The following PODXL variants were observed in gnomAD, a reference collection of about 807,000 sequenced individuals.
PODXL encodes podocalyxin like.
PODXL carries 20 observed loss-of-function variants against 48.9 expected under a neutral mutation model. The observed-to-expected ratio is 0.41, with a 90% CI of 0.29 to 0.59. The LOEUF (loss-of-function observed/expected upper bound fraction) is 0.59. Ranked by LOEUF, PODXL falls within the 20% of genes least tolerant of loss-of-function variation. The pLI is 0.31. For missense variants in PODXL, 606 were observed against 675.1 expected (o/e 0.90, Z 1.13); for synonymous variants, 295 against 287.4 (o/e 1.03, Z -0.27).
At chr7:131,538,233 G>A (rs1798416447) in intron 1 of PODXL, among the ~76,000 whole-genome samples, 1 of 152,140 alleles carries the variant, frequency 6.6e-6, no homozygotes, top group African/African-American at 2.4e-5. Flanking sequence ...TTCTGTATGG[G>A]CTGCCCCACT....
intron 1 of PODXL, among the ~76,000 whole-genome samples, chr7:131,554,502 T>C (rs1798715015): frequency 6.6e-6 from 1 of 152,254 alleles, no homozygotes; most frequent in Admixed American, 6.5e-5. Flanking sequence ...TGCCAAACCC[T>C]GTGTTAGGCC....
Position 131,556,259 on chromosome 7 carries a change from C to T in PODXL, c.100+1G>A. ...CGGCGGAACCCAGGCCGGCCACTCA[C>T]CATTCTGGGAGGGCGACGGCGACGG... On this transcript the variant is annotated splice_donor_variant, in intron 1 of 8. Coordinates refer to ENST00000378555, the MANE Select transcript of PODXL (RefSeq NM_001018111.3). LOFTEE classifies it high-confidence loss of function. 6.8e-7 allele frequency: 1 copy of T among 1,475,702 alleles called. No individual in the cohort carries two copies. The allele number at this position is 1,475,702 out of a possible 1,614,324, so 91.4% of individuals were successfully genotyped here.
At chr7:131,522,092 A>G (rs1266295394) in intron 1 of PODXL, among the ~76,000 whole-genome samples, 2 of 152,216 alleles carry the variant, frequency 1.3e-5, no homozygotes, top group African/African-American at 4.8e-5. Flanking sequence ...AGTGAGACTT[A>G]AACAGAACAT....
intron 1 of PODXL, among the ~76,000 whole-genome samples, chr7:131,523,956 G>A (rs558435947): frequency 1.3e-5 from 2 of 151,616 alleles, no homozygotes; most frequent in East Asian, 2.0e-4. Context: ...ACGCCACCAC[G>A]CCCAGTTAAT....
chr7:131,506,090 C>G, intron 7 of PODXL, 55 bp from the exon 8 acceptor site: 1 of 1,579,008 alleles, frequency 6.3e-7, no homozygotes, highest in Non-Finnish European at 8.6e-7. Context: ...CCTCAGCCCC[C>G]GGCTTCACTG....
At chr7:131,544,224 C>CCCACA (rs1320919783) in intron 1 of PODXL, among the ~76,000 whole-genome samples, 3 of 152,184 alleles carry the variant, frequency 2.0e-5, no homozygotes, top group African/African-American at 7.2e-5. Flanking sequence ...ATGTGGCGCA[C>CCCACA]CCACACAAAT....
At chr7:131,547,910 C>G (rs1472404770) in intron 1 of PODXL, among the ~76,000 whole-genome samples, 1 of 152,184 alleles carries the variant, frequency 6.6e-6, no homozygotes, top group Admixed American at 6.5e-5. Context: ...CCTGCACTCA[C>G]CTGCTCTGAG....
intron 1 of PODXL, among the ~76,000 whole-genome samples, chr7:131,547,959 T>C (rs1798609232): frequency 6.6e-6 from 1 of 152,214 alleles, no homozygotes; most frequent in Non-Finnish European, 1.5e-5. Flanking sequence ...ACTTCTTCCC[T>C]ATCCACAGGC....
At chr7:131,555,865 C>T (rs1308718015) in intron 1 of PODXL, among the ~76,000 whole-genome samples, 1 of 152,266 alleles carries the variant, frequency 6.6e-6, no homozygotes, top group Non-Finnish European at 1.5e-5. Flanking sequence ...CGAATACACA[C>T]TACAGCCCCT....
At chr7:131,543,127 T>C (rs1798510621) in intron 1 of PODXL, among the ~76,000 whole-genome samples, 1 of 152,132 alleles carries the variant, frequency 6.6e-6, no homozygotes, top group Admixed American at 6.6e-5. Flanking sequence ...ACTTATTATT[T>C]TCATATTTAT....
chr7:131,507,149 T>C (rs1797822710), intron 5 of PODXL, among the ~76,000 whole-genome samples: 1 of 152,096 alleles, frequency 6.6e-6, no homozygotes. Context: ...AAACTCCCAT[T>C]CACCAGCCTT....
At chr7:131,532,057 G>A (rs1405868422) in intron 1 of PODXL, among the ~76,000 whole-genome samples, 1 of 150,730 alleles carries the variant, frequency 6.6e-6, no homozygotes, top group Non-Finnish European at 1.5e-5. Flanking sequence ...GCTGGAGATC[G>A]TGCTATTGCA....
At chr7:131,547,276 G>A (rs1319327160) in intron 1 of PODXL, among the ~76,000 whole-genome samples, 1 of 150,426 alleles carries the variant, frequency 6.6e-6, no homozygotes, top group African/African-American at 2.5e-5. Flanking sequence ...CAGAGGCTGG[G>A]GCAGGAGAAT....
intron 1 of PODXL, among the ~76,000 whole-genome samples, chr7:131,531,106 G>C (rs1462975165): frequency 6.6e-6 from 1 of 152,092 alleles, no homozygotes; most frequent in Non-Finnish European, 1.5e-5. Flanking sequence ...CCAGCGGTCT[G>C]GTCATCCCCT....
intron 1 of PODXL, among the ~76,000 whole-genome samples, chr7:131,532,007 G>A (rs1324086285): frequency 6.6e-6 from 1 of 152,044 alleles, no homozygotes; most frequent in African/African-American, 2.4e-5. Context: ...CTGCTCGGGA[G>A]GCTGAGGCAG....
At chr7:131,535,797 T>G (rs1186084107) in intron 1 of PODXL, among the ~76,000 whole-genome samples, 1 of 152,238 alleles carries the variant, frequency 6.6e-6, no homozygotes. Flanking sequence ...GGTCTCGCTC[T>G]GTTGCCCAGG....
At chr7:131,554,264 GC>G (rs913266482) in intron 1 of PODXL, among the ~76,000 whole-genome samples, 1 of 152,150 alleles carries the variant, frequency 6.6e-6, no homozygotes, top group Admixed American at 6.5e-5. Flanking sequence ...GCCGCAACAT[GC>G]CCCCCACAAG....
chr7:131,520,260 C>A, intron 1 of PODXL: 1 of 484,068 alleles, frequency 2.1e-6, no homozygotes. Flanking sequence ...CAGCATGCCC[C>A]TCAGGCACTC....
intron 5 of PODXL, among the ~76,000 whole-genome samples, chr7:131,508,331 G>C (rs10245224): frequency 6.6e-6 from 1 of 152,140 alleles, no homozygotes; most frequent in Non-Finnish European, 1.5e-5. Context: ...AGCACTGTTC[G>C]TCCATCAAGG....
Sources: allele counts gnomAD v4.1 joint callset (sites outside exome capture counted in the v4.1 genomes callset), GRCh38; gene constraint gnomAD v4.1.1; transcripts MANE v1.5; gene names NCBI Gene and HGNC (gene_info 2026-07-23, HGNC 2026-07-21).